Variants in SORCS2 observed in about 807,000 individuals in gnomAD.
SORCS2 encodes the protein sortilin related VPS10 domain containing receptor 2.
In SORCS2, 100 loss-of-function variants were observed where a neutral mutation model predicts 141.6. The observed-to-expected ratio is 0.71, with a 90% confidence interval of 0.60 to 0.83. SORCS2 has a LOEUF of 0.83. Among genes scored for constraint, SORCS2 ranks in the 40% least tolerant of loss-of-function variants. The probability of loss-of-function intolerance (pLI) is 0.00; values close to 1 mark genes in which losing one functional copy is unlikely to be tolerated. For synonymous variants in SORCS2, 789 were observed against 676.9 expected, an observed-to-expected ratio of 1.17 and a Z score of -2.57; for missense variants, 1,646 against 1,560.2, an observed-to-expected ratio of 1.05 and a Z score of -0.93.
At position 7,694,439 on chromosome 4, in the gene SORCS2, G is replaced by A. The variant is rs115055383; in HGVS notation, c.1592-2759G>A. ...TCCTTCTTTCCCCCGAGACTGTTAG[G>A]TGACAGGCAGCCTGACAGCTTTGGT... On this transcript the variant is annotated intron_variant, in intron 11 of 26. Transcript: ENST00000507866. 7.3e-3 allele frequency among the ~76,000 whole-genome samples: 1,112 copies of A among 152,160 alleles called. 14 individuals are homozygous for A. Among genetic ancestry groups the A allele is most frequent in the African/African-American group, 0.026 (1,072 of 41,486 alleles).
In SORCS2 at chr4:7,271,802, C is replaced by T. The variant is rs187221244; in HGVS notation, c.480+78676C>T. ...TCCAGGTGGAGAAGAGCTGCAAGTA[C>T]GGCCTATGCCGGGGCCCGAGACAGC... On this transcript the variant is annotated intron_variant, in intron 1 of 26. Transcript: ENST00000507866. Among the ~76,000 whole-genome samples, 260 of 152,364 alleles carry T rather than the reference C, an allele frequency of 1.7e-3. 2 individuals are homozygous for T. Among genetic ancestry groups the T allele is most frequent in the Middle Eastern group, 6.8e-3 (2 of 294 alleles).
chr4:7,318,079 A>C (rs1260834477), intron 1 of SORCS2, among the ~76,000 whole-genome samples: 3 of 152,240 alleles, frequency 2.0e-5, no homozygotes, highest in African/African-American at 7.2e-5. Context: ...GTGATACAGC[A>C]GCAGACATAA....
In SORCS2 at chr4:7,664,087, G is replaced by C. The variant is rs1722347600; in HGVS notation, c.953-266G>C. Reference sequence around the variant, plus strand: ...CGAGGTACCCACCGTCGCCTGTGCTGACCCCTCCTGCAGGGGATGGCAGGC... The same window carrying C: ...CGAGGTACCCACCGTCGCCTGTGCTCACCCCTCCTGCAGGGGATGGCAGGC... On this transcript the variant is annotated intron_variant, in intron 6 of 26. Transcript: ENST00000507866. The surrounding 1 kb of genome is among the most constrained non-coding windows in gnomAD (Gnocchi z 4.7). Among the ~76,000 whole-genome samples the C allele has an allele frequency of 1.3e-5, 2 of 152,184 alleles. No homozygotes were observed. Among genetic ancestry groups the C allele is most frequent in the South Asian group, 4.1e-4 (2 of 4,828 alleles).
intron 3 of SORCS2, among the ~76,000 whole-genome samples, chr4:7,587,905 C>T (rs776796700): frequency 2.0e-5 from 3 of 152,190 alleles, no homozygotes; most frequent in African/African-American, 7.2e-5. Context: ...GTAGCAACAA[C>T]AAAAAGATGG....
intron 1 of SORCS2, among the ~76,000 whole-genome samples, chr4:7,296,824 G>C (rs1477764458): frequency 1.3e-5 from 2 of 152,164 alleles, no homozygotes; most frequent in Admixed American, 6.5e-5. Context: ...ACACTGCGTG[G>C]CTTCCCTCTA....
chr4:7,653,696 A>G (rs1353652813), intron 4 of SORCS2, among the ~76,000 whole-genome samples: 2 of 152,104 alleles, frequency 1.3e-5, no homozygotes, highest in Non-Finnish European at 2.9e-5. Context: ...CTGCGCCTGC[A>G]CTGACCCCTG....
At chr4:7,226,370 C>A (rs574545108) in intron 1 of SORCS2, among the ~76,000 whole-genome samples, 1 of 152,176 alleles carries the variant, frequency 6.6e-6, no homozygotes, top group Non-Finnish European at 1.5e-5. Context: ...TGGACCTCTG[C>A]GTGTCCTTCC....
At chr4:7,301,587 G>C (rs576927246) in intron 1 of SORCS2, among the ~76,000 whole-genome samples, 1 of 152,342 alleles carries the variant, frequency 6.6e-6, no homozygotes, top group East Asian at 1.9e-4. Flanking sequence ...TTCTCCCCAC[G>C]GGGCAGAGGC....
chr4:7,261,967 C>T (rs1272916512), intron 1 of SORCS2, among the ~76,000 whole-genome samples: 1 of 152,274 alleles, frequency 6.6e-6, no homozygotes, highest in Admixed American at 6.5e-5. Flanking sequence ...CTAAGGAAAA[C>T]CCTGAACAAT....
chr4:7,265,539 G>C (rs961648396), intron 1 of SORCS2, among the ~76,000 whole-genome samples: 1 of 152,084 alleles, frequency 6.6e-6, no homozygotes, highest in Non-Finnish European at 1.5e-5. Context: ...CCCCATGAAG[G>C]CTGCAGGGGT....
intron 23 of SORCS2, among the ~76,000 whole-genome samples, chr4:7,730,932 G>A (rs1371411367): frequency 1.1e-4 from 17 of 152,258 alleles, no homozygotes; most frequent in Non-Finnish European, 1.0e-4. Context: ...ACTGGTCAGG[G>A]AGACTGATGC....
intron 14 of SORCS2, among the ~76,000 whole-genome samples, chr4:7,711,497 G>A (rs1367429205): frequency 6.6e-6 from 1 of 152,204 alleles, no homozygotes; most frequent in Non-Finnish European, 1.5e-5. Flanking sequence ...AATATGGCCG[G>A]AGCACCACAA....
chr4:7,567,767 G>C (rs7677330), intron 3 of SORCS2, among the ~76,000 whole-genome samples: 27,232 of 152,160 alleles, frequency 0.18, 2,548 homozygotes, highest in Non-Finnish European at 0.22. Flanking sequence ...AAATTATTTG[G>C]AATTCCTCTG....
At chr4:7,263,716 G>C (rs928203304) in intron 1 of SORCS2, among the ~76,000 whole-genome samples, 9 of 152,164 alleles carry the variant, frequency 5.9e-5, no homozygotes, top group Admixed American at 5.2e-4. Context: ...CTGCTGCTTG[G>C]CAGGCTCCTC....
At chr4:7,311,395 G>A (rs968467218) in intron 1 of SORCS2, among the ~76,000 whole-genome samples, 6 of 152,116 alleles carry the variant, frequency 3.9e-5, no homozygotes, top group Admixed American at 6.5e-5. Context: ...ACGAGCTTTC[G>A]TGGAGACACC....
intron 2 of SORCS2, among the ~76,000 whole-genome samples, chr4:7,423,513 C>T (rs1483820793): frequency 6.6e-6 from 1 of 152,148 alleles, no homozygotes; most frequent in East Asian, 1.9e-4. Context: ...CTCCTGGCCC[C>T]AAGCAGTGCT....
intron 3 of SORCS2, among the ~76,000 whole-genome samples, chr4:7,604,380 C>T (rs796379345): frequency 2.4e-4 from 37 of 152,312 alleles, no homozygotes; most frequent in African/African-American, 7.9e-4. Context: ...TGCAGTGGCG[C>T]GATCTCGGCT....
Position 7,578,147 on chromosome 4 carries a change from G to A in SORCS2, c.648+46518G>A, listed in dbSNP as rs147026459. On this transcript the variant is annotated intron_variant, in intron 3 of 26. Transcript: ENST00000507866. ...TTCTTGCTCTCTCAGAACCAGATTG[G>A]TTACCACGAGAGCAGGTTGTACCTT... Among the ~76,000 whole-genome samples the A allele has an allele frequency of 8.8e-3, 1,338 of 152,292 alleles. 22 individuals are homozygous for A. Among genetic ancestry groups the A allele is most frequent in the African/African-American group, 0.03 (1,249 of 41,550 alleles).
intron 1 of SORCS2, among the ~76,000 whole-genome samples, chr4:7,275,892 C>G (rs2108849979): frequency 6.6e-6 from 1 of 152,280 alleles, no homozygotes; most frequent in African/African-American, 2.4e-5. Flanking sequence ...AGTACACACT[C>G]TGTGTCAAAA....
Sources: allele counts gnomAD v4.1 joint callset (sites outside exome capture counted in the v4.1 genomes callset), GRCh38; gene constraint gnomAD v4.1.1; non-coding constraint Gnocchi (gnomAD v3.1); transcripts MANE v1.5; gene names NCBI Gene and HGNC (gene_info 2026-07-23, HGNC 2026-07-21).